The following CDH18 variants were observed in gnomAD, a reference collection of about 807,000 sequenced individuals.
CDH18 encodes cadherin 18, also known as cadherin-18.
In CDH18, 31 loss-of-function variants were observed where a neutral mutation model predicts 67.9. The observed-to-expected ratio is 0.46, with a 90% CI of 0.34 to 0.62. The LOEUF is 0.62. Ranked by LOEUF, CDH18 falls within the 20% of genes least tolerant of loss-of-function variation. The pLI is 0.01. For missense variants in CDH18, 890 were observed against 975.5 expected, an observed-to-expected ratio of 0.91 and a Z score of 1.17; for synonymous variants, 362 against 347.2, an observed-to-expected ratio of 1.04 and a Z score of -0.48.
At chr5:20,230,534 A>C (rs1339764082) in intron 2 of CDH18, among the ~76,000 whole-genome samples, 7 of 152,140 alleles carry the variant, frequency 4.6e-5, no homozygotes, top group Non-Finnish European at 1.0e-4. Context: ...TTCCATTGTT[A>C]ATTGATGACC....
chr5:20,124,812 G>T (rs1748681618), intron 2 of CDH18, among the ~76,000 whole-genome samples: 2 of 152,182 alleles, frequency 1.3e-5, no homozygotes. Context: ...AAAACAAAGA[G>T]CTGTTCTTAA....
chr5:20,464,422 A>G (rs1467943625), intron 1 of CDH18, among the ~76,000 whole-genome samples: 1 of 151,796 alleles, frequency 6.6e-6, no homozygotes, highest in African/African-American at 2.4e-5. Context: ...TCTTGGAAAT[A>G]GTAAGATTTT....
At chr5:19,961,361 C>A (rs13362574) in intron 2 of CDH18, among the ~76,000 whole-genome samples, 18,738 of 151,848 alleles carry the variant, frequency 0.12, 3,338 homozygotes, top group African/African-American at 0.39. Context: ...CCCGCCTCGG[C>A]CTCCCAAACC....
At chr5:19,719,656 G>T (rs1765755371) in intron 5 of CDH18, among the ~76,000 whole-genome samples, 1 of 151,504 alleles carries the variant, frequency 6.6e-6, no homozygotes, top group Non-Finnish European at 1.5e-5. Context: ...AGAACCTGCA[G>T]GTCTCATACT....
chr5:19,667,299 G>A (rs908825651), intron 5 of CDH18, among the ~76,000 whole-genome samples: 1 of 151,268 alleles, frequency 6.6e-6, no homozygotes, highest in African/African-American at 2.4e-5. Context: ...AATTGCAGTT[G>A]AACAAATTCG....
intron 2 of CDH18, among the ~76,000 whole-genome samples, chr5:20,125,358 T>C (rs1282608095): frequency 6.6e-6 from 1 of 151,978 alleles, no homozygotes; most frequent in African/African-American, 2.4e-5. Context: ...GTGAAAAAAT[T>C]TTGAAGTTGA....
At chr5:19,613,988 C>T (rs1363264774) in intron 5 of CDH18, among the ~76,000 whole-genome samples, 1 of 152,006 alleles carries the variant, frequency 6.6e-6, no homozygotes, top group Non-Finnish European at 1.5e-5. Context: ...ACACCAATGA[C>T]TTTCAATCAA....
At chr5:20,372,277 G>A (rs1241323551) in intron 1 of CDH18, among the ~76,000 whole-genome samples, 1 of 152,088 alleles carries the variant, frequency 6.6e-6, no homozygotes, top group Non-Finnish European at 1.5e-5. Context: ...TTTGATACAT[G>A]TATACAATGT....
chr5:19,478,729 G>A (rs1160346438), intron 12 of CDH18: 6 of 152,192 alleles, frequency 3.9e-5, no homozygotes, highest in African/African-American at 1.4e-4. Context: ...CTTATGCCTA[G>A]TGTGATCAAG....
intron 8 of CDH18, among the ~76,000 whole-genome samples, chr5:19,548,171 A>AT (rs942696310): frequency 3.9e-5 from 6 of 152,146 alleles, no homozygotes; most frequent in South Asian, 2.1e-4. Flanking sequence ...CAATATTTAG[A>AT]TTTTTTTACA....
At chr5:20,190,864 T>A (rs1738481138) in intron 2 of CDH18, among the ~76,000 whole-genome samples, 2 of 152,144 alleles carry the variant, frequency 1.3e-5, no homozygotes, top group South Asian at 4.1e-4. Context: ...TCCCTTTTCC[T>A]ATTTTTGGCA....
chr5:19,540,791 G>A (rs1750140451), intron 9 of CDH18, among the ~76,000 whole-genome samples: 1 of 152,104 alleles, frequency 6.6e-6, no homozygotes, highest in Admixed American at 6.5e-5. Flanking sequence ...CCTGGGCCCA[G>A]CCCACACAAC....
At chr5:20,213,736 C>T (rs1740538455) in intron 2 of CDH18, among the ~76,000 whole-genome samples, 1 of 151,996 alleles carries the variant, frequency 6.6e-6, no homozygotes, top group Admixed American at 6.6e-5. Flanking sequence ...GTGGTAATAT[C>T]CCATTGACTG....
intron 2 of CDH18, among the ~76,000 whole-genome samples, chr5:20,249,382 C>CTTTTT (rs11395247): frequency 3.9e-5 from 5 of 129,728 alleles, no homozygotes; most frequent in Non-Finnish European, 6.3e-5. Flanking sequence ...TCCTTTAAAA[C>CTTTTT]TTTTTTTTTT....
chr5:20,566,093 A>G (rs1157654950), intron 1 of CDH18, among the ~76,000 whole-genome samples: 1 of 152,112 alleles, frequency 6.6e-6, no homozygotes, highest in Non-Finnish European at 1.5e-5. Context: ...AAGGCTGAGC[A>G]CTGACTCTAA....
chr5:19,497,971 T>C (rs918323759), intron 11 of CDH18, among the ~76,000 whole-genome samples: 3 of 152,160 alleles, frequency 2.0e-5, no homozygotes, highest in Non-Finnish European at 4.4e-5. Context: ...AAAGGATTTT[T>C]TACTTACATC....
intron 2 of CDH18, among the ~76,000 whole-genome samples, chr5:20,153,413 G>A (rs529758079): frequency 3.6e-4 from 55 of 151,956 alleles, no homozygotes; most frequent in Non-Finnish European, 3.5e-4. Context: ...CCCTACTTTC[G>A]TTTCACAATC....
chr5:19,641,588 C>G (rs896567431), intron 5 of CDH18, among the ~76,000 whole-genome samples: 1 of 151,914 alleles, frequency 6.6e-6, no homozygotes, highest in African/African-American at 2.4e-5. Flanking sequence ...ATGATCATCT[C>G]AATAGATGCA....
intron 2 of CDH18, among the ~76,000 whole-genome samples, chr5:20,102,215 AGTGT>A (rs56036253): frequency 0.023 from 3,376 of 148,844 alleles, 63 homozygotes; most frequent in African/African-American, 0.053. Context: ...TGTTATGTGC[AGTGT>A]GTGTGTGTGT....
Sources: allele counts gnomAD v4.1 joint callset (sites outside exome capture counted in the v4.1 genomes callset), GRCh38; gene constraint gnomAD v4.1.1; transcripts MANE v1.5; gene names NCBI Gene and HGNC (gene_info 2026-07-23, HGNC 2026-07-21).